The following WSB1 variants were observed in gnomAD, a reference collection of about 807,000 sequenced individuals.
The protein encoded by WSB1 is WD repeat and SOCS box containing 1, also known as WD repeat and SOCS box-containing protein 1.
WSB1 carries 23 observed loss-of-function variants against 50.2 expected under a neutral mutation model. That is an observed-to-expected ratio of 0.46 (90% confidence interval 0.33 to 0.65). The LOEUF (loss-of-function observed/expected upper bound fraction) is 0.65. Ranked by LOEUF, WSB1 falls within the 30% of genes least tolerant of loss-of-function variation. The pLI is 0.02. For synonymous variants in WSB1, 179 were observed against 172.0 expected, an observed-to-expected ratio of 1.04 and a Z score of -0.32; for missense variants, 492 against 522.3, an observed-to-expected ratio of 0.94 and a Z score of 0.56.
chr17:27,301,046 ATTT>A (rs1451663880), intron 1 of WSB1, among the ~76,000 whole-genome samples: 3 of 151,872 alleles, frequency 2.0e-5, no homozygotes, highest in Middle Eastern at 3.2e-3. Context: ...TAATTTTTGT[ATTT>A]TTAGTAGAGA....
chr17:27,294,266 G>GC lies in WSB1; in HGVS notation c.-125dup. 7.8e-7 allele frequency: 1 copy of GC among 1,287,342 alleles called. No individual in the cohort carries two copies. The highest frequency in any genetic ancestry group is 1.1e-6 in the Non-Finnish European group (1 of 937,334). The allele number at this position is 1,287,342 out of a possible 1,614,324, so 79.7% of individuals were successfully genotyped here. On this transcript the variant is annotated 5_prime_UTR_variant, in exon 1 of 9. Transcript: ENST00000262394. ...GCAGTTAGCAGAAGCCGCAGCGGCC[G>GC]CCCCCGCCCGTCTCCTCTGTCCCTG...
rs1483509981 is a variant in WSB1, at chr17:27,314,091, G to T, written c.*1722G>T. On this transcript the variant is annotated 3_prime_UTR_variant, in exon 9 of 9. Transcript: ENST00000262394. ...TTTGGAAGTTCCTATGGTTAGCTCT[G>T]TTAAGGAATGTAAAAATTTATAGGG... The T allele has an allele frequency of 6.6e-6, 1 of 152,136 alleles. No individual in the cohort carries two copies. The highest frequency in any genetic ancestry group is 1.9e-4 in the East Asian group (1 of 5,200). 9.4% of individuals were successfully genotyped at this position (152,136 alleles called of 1,614,324 possible).
intron 2 of WSB1, 27 bp downstream of exon 2, chr17:27,301,983 G>T (rs761357326): frequency 2.0e-6 from 3 of 1,515,882 alleles, no homozygotes; most frequent in African/African-American, 2.8e-5. Flanking sequence ...TCTGTATTTT[G>T]TATCTGTTTG....
At chr17:27,300,657 AT>A (rs139456417) in intron 1 of WSB1, among the ~76,000 whole-genome samples, 9,685 of 151,438 alleles carry the variant, frequency 0.064, 836 homozygotes, top group African/African-American at 0.19. Flanking sequence ...AAGGACCAGT[AT>A]TTGAGAATCA....
At position 27,294,287 on chromosome 17, in the gene WSB1, C is replaced by A; in HGVS notation, c.-109C>A. ...GGCCGCCCCCGCCCGTCTCCTCTGT[C>A]CCTGGGCCCGGGAGGGACCAACTTG... On this transcript the variant is annotated 5_prime_UTR_variant, in exon 1 of 9. Transcript: ENST00000262394. 2.0e-6 allele frequency: 3 copies of A among 1,472,556 alleles called. No individual in the cohort carries two copies. The highest frequency in any genetic ancestry group is 1.9e-6 in the Non-Finnish European group (2 of 1,079,500). 91.2% of individuals were successfully genotyped at this position (1,472,556 alleles called of 1,614,324 possible). A position where few individuals can be genotyped will look rare whatever the true frequency, so the allele number is the denominator to read the frequency against.
chr17:27,309,528 G>A (rs778403487), intron 6 of WSB1, among the ~76,000 whole-genome samples: 27 of 151,984 alleles, frequency 1.8e-4, no homozygotes, highest in Non-Finnish European at 3.5e-4. Context: ...TAGAGTTTTT[G>A]TTGGAGAAAA....
intron 2 of WSB1, 175 bp from the exon 3 acceptor site, chr17:27,303,192 C>T: frequency 4.9e-6 from 3 of 609,560 alleles, no homozygotes; most frequent in Non-Finnish European, 7.6e-6. Context: ...TATTAATGTC[C>T]TTCTCTCGTA....
chr17:27,307,965 CTTT>C, intron 5 of WSB1: 1 of 1,250,974 alleles, frequency 8.0e-7, no homozygotes, highest in African/African-American at 1.5e-5. Flanking sequence ...TTCTTTTTTT[CTTT>C]TTTAAAGTAA....
rs571525259 is a variant in WSB1, at chr17:27,309,210, A to G, written c.822A>G (p.Ala274=). 1.9e-6 allele frequency: 3 copies of G among 1,613,148 alleles called. No individual in the cohort carries two copies. The Admixed American group carries it at 5.0e-5, about 27-fold the overall frequency. ...FSPDGALLAT[A]SYDTRVYIWD... Reference sequence around the variant, plus strand: ...CTGATGGAGCATTACTGGCTACTGCATCTTATGATACTCGAGTATATATCT... The same window carrying G: ...CTGATGGAGCATTACTGGCTACTGCGTCTTATGATACTCGAGTATATATCT... Residue 274 remains alanine (A), a synonymous_variant, in exon 6 of 9, where the codon GCA becomes GCG. Coordinates refer to ENST00000262394, the MANE Select transcript of WSB1 (RefSeq NM_015626.10).
chr17:27,302,726 TTTG>T (rs371389907), intron 2 of WSB1: 16 of 152,182 alleles, frequency 1.1e-4, no homozygotes, highest in African/African-American at 2.2e-4. Context: ...AGCCTGGCCC[TTTG>T]TTGTTGTTGT....
In WSB1 at chr17:27,303,525, A is replaced by G. The variant is rs2017322155; in HGVS notation, c.368A>G (p.Gln123Arg). ...LAFGSSVPEK[Q>R]SRCVNIEWHR... ...TTTGGGTCATCAGTTCCAGAAAAAC[A>G]GAGTCGCTGTGTAAATATAGAATGG... Residue 123 changes from glutamine (Q) to arginine (R), a missense_variant, in exon 3 of 9, where the codon CAG becomes CGG. Physicochemically the swap from Gln to Arg is conservative, Grantham distance 43 (BLOSUM62 1). Transcript: ENST00000262394. 1.2e-6 allele frequency: 2 copies of G among 1,614,104 alleles called. No homozygotes were observed. The highest frequency in any genetic ancestry group is 1.7e-6 in the Non-Finnish European group (2 of 1,180,040).
In WSB1 at chr17:27,304,535, C is replaced by CAAAA. The variant is rs10660665; in HGVS notation, c.479-219_479-216dup. ...GCAACATAGTGAGACTCCATCTCTC[C>CAAAA]AAAAAAAAAAAAAAAAAAAAAAAAA... On this transcript the variant is annotated intron_variant, in intron 3 of 8. Coordinates refer to ENST00000262394, the MANE Select transcript of WSB1 (RefSeq NM_015626.10). Among the ~76,000 whole-genome samples the CAAAA allele has an allele frequency of 2.2e-3, 86 of 38,696 alleles. 16 individuals are homozygous for CAAAA. The highest frequency in any genetic ancestry group is 0.015 in the East Asian group (14 of 954). The allele number at this position is 38,696 out of a possible 152,430, so 25.4% of individuals were successfully genotyped here.
intron 5 of WSB1, chr17:27,308,856 A>G (rs888090418): frequency 6.3e-6 from 7 of 1,111,510 alleles, no homozygotes; most frequent in African/African-American, 4.9e-5. Context: ...CCTTTATTTT[A>G]TGTTTAGGCT....
intron 1 of WSB1, among the ~76,000 whole-genome samples, chr17:27,298,126 G>GGAA (rs1331629975): frequency 1.5e-4 from 11 of 74,204 alleles, no homozygotes; most frequent in Non-Finnish European, 2.5e-4. Context: ...CTCCGTCTCA[G>GGAA]AAAAAAAAAA....
rs564266140 is a variant in WSB1, at chr17:27,313,205, A to C, written c.*836A>C. The C allele has an allele frequency of 1.3e-5, 2 of 152,640 alleles. No individual in the cohort carries two copies. The highest frequency in any genetic ancestry group is 4.8e-5 in the African/African-American group (2 of 41,548). 9.5% of individuals were successfully genotyped at this position (152,640 alleles called of 1,614,324 possible). On this transcript the variant is annotated 3_prime_UTR_variant, in exon 9 of 9. Transcript: ENST00000262394. ...AGAGCTTGAATGTGACGTTATTTAA[A>C]AACAACAACAAAGAAGGCAGAGCCA...
At chr17:27,307,488 G>A (rs980504876) in intron 5 of WSB1, 30 of 521,670 alleles carry the variant, frequency 5.8e-5, no homozygotes, top group African/African-American at 5.2e-4. Flanking sequence ...GTAGCTTCAA[G>A]TATTTATAAA....
intron 2 of WSB1, 145 bp from the exon 3 acceptor site, chr17:27,303,222 C>T: frequency 1.1e-6 from 1 of 889,872 alleles, no homozygotes; most frequent in Non-Finnish European, 1.6e-6. Context: ...TCAACCTTTC[C>T]CTTCCTATCT....
intron 6 of WSB1, among the ~76,000 whole-genome samples, chr17:27,309,853 T>A (rs1011150787): frequency 5.9e-5 from 9 of 152,190 alleles, no homozygotes; most frequent in Non-Finnish European, 1.0e-4. Flanking sequence ...AGTGCTGGGA[T>A]TACAGGCATG....
rs2017817613 is a variant in WSB1 at position 27,315,803 on chromosome 17, A to G, written c.*3434A>G. On this transcript the variant is annotated 3_prime_UTR_variant, in exon 9 of 9. Coordinates refer to ENST00000262394, the MANE Select transcript of WSB1 (RefSeq NM_015626.10). ...TAGAGTTATATATGGATGTACTATC[A>G]TTTGGTGATAAAAGCATAGAAAAAG... 2 of 152,250 alleles carry G rather than the reference A, an allele frequency of 1.3e-5. No homozygotes were observed. Among genetic ancestry groups the G allele is most frequent in the Admixed American group, 1.3e-4 (2 of 15,282 alleles). 9.4% of individuals were successfully genotyped at this position (152,250 alleles called of 1,614,324 possible).
Sources: gnomAD v4.1 joint callset for allele counts (sites outside exome capture counted in the v4.1 genomes callset) on GRCh38, gnomAD v4.1.1 for gene constraint, MANE v1.5 for transcripts, NCBI Gene and HGNC (gene_info 2026-07-23, HGNC 2026-07-21) for gene names.